Variants in FCGRT observed in about 807,000 individuals in gnomAD.
The protein encoded by FCGRT is Fc gamma receptor and transporter, also known as IgG receptor FcRn large subunit p51.
A neutral mutation model predicts 35.7 loss-of-function variants in FCGRT; 13 were observed. That is an observed-to-expected ratio of 0.36 (90% CI 0.24 to 0.58). The LOEUF is 0.58. FCGRT is among the 20% of genes least tolerant of loss of function. The pLI is 0.77. For missense variants in FCGRT, 455 were observed against 474.9 expected, an observed-to-expected ratio of 0.96 and a Z score of 0.39; for synonymous variants, 233 against 216.5, an observed-to-expected ratio of 1.08 and a Z score of -0.67.
intron 6 of FCGRT, 96 bp downstream of exon 6, chr19:49,525,669 G>A: frequency 2.4e-6 from 2 of 847,312 alleles, no homozygotes; most frequent in East Asian, 2.6e-5. Context: ...AGAGAGGGGG[G>A]ACAGAGATCA....
chr19:49,515,817 C>G (rs759956433), intron 4 of FCGRT, among the ~76,000 whole-genome samples: 6 of 152,184 alleles, frequency 3.9e-5, no homozygotes, highest in African/African-American at 4.8e-5. Flanking sequence ...CCAACATAAG[C>G]AATCTCCTCC....
At chr19:49,515,343 G>C (rs960077112) in intron 4 of FCGRT, 3 of 151,982 alleles carry the variant, frequency 2.0e-5, no homozygotes, top group Non-Finnish European at 4.4e-5. Flanking sequence ...GTGAAGCAGG[G>C]TGATCTCAGC....
At chr19:49,524,463 G>C (rs746420024) in intron 4 of FCGRT, 44 bp from the exon 5 acceptor site, 1 of 1,579,868 alleles carries the variant, frequency 6.3e-7, no homozygotes, top group East Asian at 2.3e-5. Context: ...GGCTCTGGGA[G>C]TGGTGGGCTC....
At chr19:49,515,339 CAG>C (rs2080001495) in intron 4 of FCGRT, 1 of 151,764 alleles carries the variant, frequency 6.6e-6, no homozygotes, top group African/African-American at 2.4e-5. Flanking sequence ...TAGTGTGAAG[CAG>C]GGTGATCTCA....
At position 49,526,382 on chromosome 19, in the gene FCGRT, C is replaced by T. The variant is rs1006135007; in HGVS notation, c.*263C>T. The T allele has an allele frequency of 8.1e-6, 4 of 491,368 alleles. No individual in the cohort carries two copies. The highest frequency in any genetic ancestry group is 3.9e-5 in the East Asian group (1 of 25,938). 30.4% of individuals were successfully genotyped at this position (491,368 alleles called of 1,614,324 possible). On this transcript the variant is annotated 3_prime_UTR_variant, in exon 7 of 7. Coordinates refer to ENST00000221466, the MANE Select transcript of FCGRT (RefSeq NM_001136019.3). ...AGGCAGGGGAGGTAAGGGAATAAGT[C>T]GGGGGACTGAATGGCGGCTGGGCCT...
chr19:49,526,103 T>A lies in FCGRT; in HGVS notation c.1082T>A (p.Ile361Asn), dbSNP rs779118203. The A allele has an allele frequency of 3.1e-6, 5 of 1,611,872 alleles. No individual in the cohort carries two copies. In the South Asian group the frequency reaches 5.5e-5, roughly 18 times the overall value. The change falls in exon 7 of 7, where the codon ATT becomes AAT. Residue 361 changes from isoleucine to asparagine, a missense_variant. By Grantham distance (149) the Ile-to-Asn change is moderately radical. Transcript: ENST00000221466. Reference sequence around the variant, plus strand: ...GCTGATTTGAAGGATGTAAATGTGATTCCAGCCACCGCCTGACCATCCGCC... The same window carrying A: ...GCTGATTTGAAGGATGTAAATGTGAATCCAGCCACCGCCTGACCATCCGCC... Reference protein sequence around the residue: ...QDADLKDVNVIPATA With the variant: ...QDADLKDVNVNPATA
rs751836833 is a variant in FCGRT, at chr19:49,514,368, T to G, written c.483T>G (p.Ser161Arg). Residue 161 changes from serine (S) to arginine (R), a missense_variant, in exon 4 of 7, where the codon AGT (serine) becomes AGG (arginine). Physicochemically the swap from Ser to Arg is moderately radical, Grantham distance 110. Transcript: ENST00000221466. ...GGDWPEALAI[S>R]QRWQQQDKAA... ...ACTGGCCCGAGGCCCTGGCTATCAG[T>G]CAGCGGTGGCAGCAGCAGGACAAGG... The G allele has an allele frequency of 6.2e-7, 1 of 1,613,038 alleles. No individual in the cohort carries two copies. The highest frequency in any genetic ancestry group is 8.5e-7 in the Non-Finnish European group (1 of 1,179,500).
chr19:49,513,346 G>A (rs1601185574), intron 1 of FCGRT, 41 bp from the exon 2 acceptor site: 1 of 986,564 alleles, frequency 1.0e-6, no homozygotes, highest in Non-Finnish European at 1.3e-6. Context: ...GAAGGGGCGG[G>A]CCGGGGGTCG....
rs768219308 is a variant in FCGRT at position 49,514,183 on chromosome 19, C to G, written c.326-28C>G. 7 of 1,609,470 alleles carry G rather than the reference C, an allele frequency of 4.3e-6. No individual in the cohort carries two copies. The Admixed American group carries it at 6.7e-5, about 15-fold the overall frequency. On this transcript the variant is annotated intron_variant, in intron 3 of 6. Coordinates refer to ENST00000221466, the MANE Select transcript of FCGRT (RefSeq NM_001136019.3). ...AGGGGCCGGGTCCATGCTCCGGGGC[C>G]CCGCTTACCTGTGTTTGGGCGCCCC...
At chr19:49,514,909 C>T (rs1474405636) in intron 4 of FCGRT, among the ~76,000 whole-genome samples, 2 of 151,772 alleles carry the variant, frequency 1.3e-5, no homozygotes, top group African/African-American at 4.8e-5. Flanking sequence ...TCAGGCTGGT[C>T]TCAAACCCCT....
In FCGRT at chr19:49,513,851, G is replaced by C. The variant is rs760601194; in HGVS notation, c.74-31G>C. 4.5e-6 allele frequency: 7 copies of C among 1,547,650 alleles called. No homozygotes were observed. In the African/African-American group the frequency reaches 7.0e-5, roughly 15 times the overall value. On this transcript the variant is annotated intron_variant, in intron 2 of 6. Transcript: ENST00000221466. ...CACTGCAGTCTAGTTCCCCGCCCGTGTGCTCCCTTCAGCTCTGTTTCTGTC... is the reference window on the plus strand; with the variant it reads ...CACTGCAGTCTAGTTCCCCGCCCGTCTGCTCCCTTCAGCTCTGTTTCTGTC...
At chr19:49,525,962 G>T (rs960175004) in intron 6 of FCGRT, 48 bp from the exon 7 acceptor site, 2 of 1,159,422 alleles carry the variant, frequency 1.7e-6, no homozygotes, top group African/African-American at 1.5e-5. Flanking sequence ...GTCAGACCCA[G>T]AGCGCCTCAG....
chr19:49,513,538 A>T (rs981598421), intron 2 of FCGRT, 65 bp downstream of exon 2: 13 of 987,060 alleles, frequency 1.3e-5, no homozygotes, highest in Non-Finnish European at 1.7e-5. Flanking sequence ...CCAGGCAGGC[A>T]GGGGCGAAGC....
chr19:49,517,883 A>G (rs1166738281), intron 4 of FCGRT, among the ~76,000 whole-genome samples: 2 of 152,008 alleles, frequency 1.3e-5, no homozygotes. Flanking sequence ...AGTAGAGATG[A>G]GGTTTCACCA....
chr19:49,516,551 T>TTTG (rs56189133), intron 4 of FCGRT, among the ~76,000 whole-genome samples: 18,822 of 149,536 alleles, frequency 0.13, 1,595 homozygotes, highest in African/African-American at 0.23. Context: ...GCTCCTGGCC[T>TTTG]TTGTTGTTGT....
rs573067625 is a variant in FCGRT, at chr19:49,520,458, G to A, written c.602-4049G>A. Among the ~76,000 whole-genome samples, 478 of 151,660 alleles carry A rather than the reference G, an allele frequency of 3.2e-3. 3 individuals are homozygous for A. Among genetic ancestry groups the A allele is most frequent in the African/African-American group, 0.01 (433 of 41,282 alleles). On this transcript the variant is annotated intron_variant, in intron 4 of 6. Coordinates refer to ENST00000221466, the MANE Select transcript of FCGRT (RefSeq NM_001136019.3). The stretch of plus-strand genomic sequence containing the variant: ...CCTCCTGGATTCAAGTGATCCTCCT[G>A]CCTCAGCCTCCAGGGTAGCTGGGAC...
intron 4 of FCGRT, among the ~76,000 whole-genome samples, chr19:49,515,899 C>A (rs1366534181): frequency 2.6e-5 from 4 of 152,200 alleles, no homozygotes; most frequent in Non-Finnish European, 1.5e-5. Flanking sequence ...TGCATATACT[C>A]CAGCCCTCCT....
chr19:49,524,560 C>G lies in FCGRT; in HGVS notation c.655C>G (p.Leu219Val). The change falls in exon 5 of 7, where the codon CTT (leucine) becomes GTT (valine). Residue 219 changes from leucine (L) to valine (V), a missense_variant. Leu to Val is a conservative substitution (Grantham distance 32, BLOSUM62 1). This residue lies in a region of FCGRT where 312 missense variants were observed against 296.1 expected (regional missense o/e 1.05). Transcript: ENST00000221466. Reference sequence around the variant, plus strand: ...ACCCAGCAGCCCTGGCTTTTCCGTGCTTACCTGCAGCGCCTTCTCCTTCTA... The same window carrying G: ...ACCCAGCAGCCCTGGCTTTTCCGTGGTTACCTGCAGCGCCTTCTCCTTCTA... ...ARPSSPGFSV[L>V]TCSAFSFYPP... The G allele has an allele frequency of 6.2e-7, 1 of 1,613,176 alleles. No homozygotes were observed. Among genetic ancestry groups the G allele is most frequent in the Non-Finnish European group, 8.5e-7 (1 of 1,179,836 alleles).
intron 4 of FCGRT, among the ~76,000 whole-genome samples, chr19:49,519,101 C>CAA (rs1363130276): frequency 6.6e-6 from 1 of 152,090 alleles, no homozygotes; most frequent in Non-Finnish European, 1.5e-5. Context: ...CTCAGCCTCC[C>CAA]AAAGTACTGG....
Sources: allele counts gnomAD v4.1 joint callset (sites outside exome capture counted in the v4.1 genomes callset), GRCh38; gene constraint gnomAD v4.1.1; regional missense constraint gnomAD v4.1.1; transcripts MANE v1.5; gene names NCBI Gene and HGNC (gene_info 2026-07-23, HGNC 2026-07-21).